SNX9: variants seen among roughly 807,000 people sequenced by gnomAD.
The protein encoded by SNX9 is sorting nexin-9.
In SNX9, 44 loss-of-function variants were observed where a neutral mutation model predicts 89.4. The ratio of observed to expected loss-of-function variants is 0.49; its 90% confidence interval spans 0.39 to 0.63. The LOEUF (loss-of-function observed/expected upper bound fraction) is 0.63. Among genes scored for constraint, SNX9 ranks in the 30% least tolerant of loss-of-function variants. The pLI is 0.00. For missense variants in SNX9, 578 were observed against 736.1 expected (o/e 0.79, Z 2.49); for synonymous variants, 236 against 247.8 (o/e 0.95, Z 0.45).
Position 157,932,180 on chromosome 6 carries a change from C to T in SNX9, c.1289-15C>T, listed in dbSNP as rs1490685488. Reference sequence around the variant, plus strand: ...TGCTCAGAAGACTAATCGTTTATTCCTTTTTGTCTTTCAGCATTACCCAAG... The same window carrying T: ...TGCTCAGAAGACTAATCGTTTATTCTTTTTTGTCTTTCAGCATTACCCAAG... On this transcript the variant is annotated splice_polypyrimidine_tract_variant and intron_variant, in intron 12 of 17. Coordinates refer to ENST00000392185, the MANE Select transcript of SNX9 (RefSeq NM_016224.5). 3 of 1,612,710 alleles carry T rather than the reference C, an allele frequency of 1.9e-6. No homozygotes were observed. Among genetic ancestry groups the T allele is most frequent in the Non-Finnish European group, 8.5e-7 (1 of 1,178,768 alleles).
chr6:157,893,080 T>A (rs1782897540), intron 4 of SNX9, among the ~76,000 whole-genome samples: 1 of 152,196 alleles, frequency 6.6e-6, no homozygotes, highest in Non-Finnish European at 1.5e-5. Context: ...TGAAAAAACT[T>A]GTAACTTAGA....
At chr6:157,925,243 G>A (rs1375832248) in intron 10 of SNX9, among the ~76,000 whole-genome samples, 1 of 152,130 alleles carries the variant, frequency 6.6e-6, no homozygotes, top group East Asian at 1.9e-4. Context: ...CAACAGATGT[G>A]TAGAAAAGTA....
chr6:157,878,999 G>A (rs1782573772), intron 4 of SNX9, among the ~76,000 whole-genome samples: 1 of 152,160 alleles, frequency 6.6e-6, no homozygotes, highest in African/African-American at 2.4e-5. Context: ...AACTAGCAGA[G>A]AATGAAAACA....
intron 4 of SNX9, among the ~76,000 whole-genome samples, chr6:157,894,106 CTTTTTTT>C (rs746909411): frequency 2.2e-5 from 2 of 89,528 alleles, no homozygotes; most frequent in African/African-American, 4.5e-5. Context: ...CTTTTCTTTT[CTTTTTTT>C]TTTTTTTTTT....
intron 1 of SNX9, among the ~76,000 whole-genome samples, chr6:157,831,584 A>G (rs1210676777): frequency 6.6e-6 from 1 of 152,042 alleles, no homozygotes; most frequent in African/African-American, 2.4e-5. Flanking sequence ...CCCTGCCCCC[A>G]CACAGTCCCC....
chr6:157,845,105 C>CTTTTTTTT (rs35257389), intron 1 of SNX9, among the ~76,000 whole-genome samples: 1 of 124,808 alleles, frequency 8.0e-6, no homozygotes, highest in Non-Finnish European at 1.7e-5. Context: ...TCCCATTTGT[C>CTTTTTTTT]TTTTTTTTTT....
chr6:157,858,228 GTCTTTTTTCTTTT>G (rs1017647661), intron 1 of SNX9, among the ~76,000 whole-genome samples: 8 of 151,190 alleles, frequency 5.3e-5, no homozygotes, highest in Admixed American at 1.3e-4. Flanking sequence ...CTCGTCCGGA[GTCTTTTTTCTTTT>G]TCTTTTTTCT....
intron 6 of SNX9, 44 bp from the exon 7 acceptor site, chr6:157,906,075 AAATTCTTAC>A: frequency 4.7e-6 from 7 of 1,492,266 alleles, no homozygotes; most frequent in Non-Finnish European, 5.5e-6. Flanking sequence ...GAGAGTTGTA[AAATTCTTAC>A]AAGGAAAGTC....
chr6:157,870,018 C>T (rs190145625), intron 2 of SNX9, among the ~76,000 whole-genome samples: 8 of 152,094 alleles, frequency 5.3e-5, no homozygotes, highest in South Asian at 4.1e-4. Flanking sequence ...CACCCACAGT[C>T]GCATGCTCAC....
intron 9 of SNX9, among the ~76,000 whole-genome samples, chr6:157,913,367 A>C (rs1460632374): frequency 6.6e-6 from 1 of 152,078 alleles, no homozygotes; most frequent in Non-Finnish European, 1.5e-5. Flanking sequence ...CCTGGAGTGC[A>C]GTGGCACAAT....
At chr6:157,889,999 C>G (rs1378442213) in intron 4 of SNX9, among the ~76,000 whole-genome samples, 2 of 152,064 alleles carry the variant, frequency 1.3e-5, no homozygotes, top group Non-Finnish European at 1.5e-5. Flanking sequence ...AGTAAATTAC[C>G]CAAGGCCACA....
chr6:157,921,809 A>T, intron 10 of SNX9, 148 bp downstream of exon 10: 1 of 957,964 alleles, frequency 1.0e-6, no homozygotes, highest in Non-Finnish European at 1.5e-6. Flanking sequence ...CTAAATCCCC[A>T]CCATAGGAAA....
At chr6:157,831,544 C>G (rs1319000291) in intron 1 of SNX9, among the ~76,000 whole-genome samples, 1 of 152,136 alleles carries the variant, frequency 6.6e-6, no homozygotes, top group Non-Finnish European at 1.5e-5. Context: ...CAGCTTGTAG[C>G]TTAATACAGG....
intron 1 of SNX9, among the ~76,000 whole-genome samples, chr6:157,858,721 C>T (rs1259031773): frequency 6.6e-6 from 1 of 152,144 alleles, no homozygotes; most frequent in Non-Finnish European, 1.5e-5. Flanking sequence ...TTCCACATGG[C>T]TGGGGAGGCC....
At chr6:157,926,173 A>G (rs1167847959) in intron 10 of SNX9, among the ~76,000 whole-genome samples, 1 of 152,222 alleles carries the variant, frequency 6.6e-6, no homozygotes, top group Non-Finnish European at 1.5e-5. Context: ...AAGCAAAGAA[A>G]TGAAAACCAT....
chr6:157,825,203 G>A (rs1781318998), intron 1 of SNX9, among the ~76,000 whole-genome samples: 1 of 152,120 alleles, frequency 6.6e-6, no homozygotes, highest in Admixed American at 6.5e-5. Context: ...ATCCGAGATC[G>A]CGCCACTGCA....
At chr6:157,914,245 T>C (rs1783411215) in intron 9 of SNX9, among the ~76,000 whole-genome samples, 1 of 151,934 alleles carries the variant, frequency 6.6e-6, no homozygotes, top group Non-Finnish European at 1.5e-5. Context: ...TGATGGCGAG[T>C]GGGGTTGAGC....
chr6:157,937,023 GA>G (rs1783940332), intron 14 of SNX9, among the ~76,000 whole-genome samples: 1 of 151,908 alleles, frequency 6.6e-6, no homozygotes, highest in East Asian at 1.9e-4. Context: ...TTATAATTCA[GA>G]AAAAATGGAA....
chr6:157,846,271 C>T (rs1022343020), intron 1 of SNX9, among the ~76,000 whole-genome samples: 1 of 152,202 alleles, frequency 6.6e-6, no homozygotes, highest in Non-Finnish European at 1.5e-5. Flanking sequence ...ACTTAACTCT[C>T]TTTGGCAGTC....
Sources: gnomAD v4.1 joint callset for allele counts (sites outside exome capture counted in the v4.1 genomes callset) on GRCh38, gnomAD v4.1.1 for gene constraint, MANE v1.5 for transcripts, NCBI Gene and HGNC (gene_info 2026-07-23, HGNC 2026-07-21) for gene names.